Variants in CDH13 observed in about 807,000 individuals in gnomAD.
CDH13 encodes cadherin-13.
Under a neutral mutation model 63.8 loss-of-function variants are expected in CDH13, and 24 were observed. The ratio of observed to expected loss-of-function variants is 0.38; its 90% CI spans 0.27 to 0.53. CDH13 has a LOEUF of 0.53. Among genes scored for constraint, CDH13 ranks in the 20% least tolerant of loss-of-function variants. The pLI, the probability that CDH13 is intolerant of heterozygous loss-of-function variation, is 0.85. For synonymous variants in CDH13, 503 were observed against 355.3 expected (o/e 1.42, Z -4.67); for missense variants, 1,049 against 903.1 (o/e 1.16, Z -2.07).
intron 1 of CDH13, among the ~76,000 whole-genome samples, chr16:82,739,475 A>G (rs1327036766): frequency 6.6e-6 from 1 of 152,224 alleles, no homozygotes; most frequent in Non-Finnish European, 1.5e-5. Context: ...GTAAATTTTA[A>G]GAGTGAGAGA....
At chr16:83,570,087 G>C (rs1904433054) in intron 7 of CDH13, among the ~76,000 whole-genome samples, 1 of 152,060 alleles carries the variant, frequency 6.6e-6, no homozygotes, top group South Asian at 2.1e-4. Flanking sequence ...TCAGACTTAG[G>C]TCCCTGGTCC....
chr16:83,558,831 G>A (rs912617605), intron 7 of CDH13, among the ~76,000 whole-genome samples: 21 of 152,170 alleles, frequency 1.4e-4, no homozygotes, highest in Non-Finnish European at 2.6e-4. Context: ...TTACCCACGT[G>A]GGTAGGTAGG....
At chr16:83,674,784 T>C (rs1914815063) in intron 9 of CDH13, among the ~76,000 whole-genome samples, 1 of 152,238 alleles carries the variant, frequency 6.6e-6, no homozygotes, top group South Asian at 2.1e-4. Flanking sequence ...AGAAGCACCC[T>C]TAGCTGCTTT....
Position 83,066,870 on chromosome 16 carries a change from G to A in CDH13, c.366+34652G>A, listed in dbSNP as rs529336483. On this transcript the variant is annotated intron_variant, in intron 3 of 13. Coordinates refer to ENST00000567109, the MANE Select transcript of CDH13 (RefSeq NM_001257.5). ...GAAGGCTGCTTAGTGAGCATGAAGT[G>A]TTGGTTAGAGTGAGTGCTTAAAGGC... is the stretch of plus-strand genomic sequence containing the variant. Among the ~76,000 whole-genome samples, 17 of 152,218 alleles carry A rather than the reference G, an allele frequency of 1.1e-4. 1 individual carries two copies. The highest frequency in any genetic ancestry group is 2.0e-4 in the Admixed American group (3 of 15,274).
intron 3 of CDH13, among the ~76,000 whole-genome samples, chr16:83,073,171 C>T (rs1452525631): frequency 3.9e-5 from 6 of 152,066 alleles, no homozygotes; most frequent in South Asian, 4.1e-4. Flanking sequence ...GGCAGGCTTG[C>T]GTGGCTAGTG....
intron 5 of CDH13, among the ~76,000 whole-genome samples, chr16:83,231,528 C>A (rs760419206): frequency 7.9e-5 from 12 of 152,152 alleles, no homozygotes; most frequent in Non-Finnish European, 1.3e-4. Context: ...TGGTGAGCAC[C>A]TTCAGGAAGA....
intron 6 of CDH13, among the ~76,000 whole-genome samples, chr16:83,379,943 A>AGAGAGAGT: frequency 6.8e-6 from 1 of 146,634 alleles, no homozygotes. Context: ...ATATATAGAG[A>AGAGAGAGT]GAGAGAGAGA....
At chr16:83,546,496 C>T (rs578247653) in intron 7 of CDH13, among the ~76,000 whole-genome samples, 15 of 149,728 alleles carry the variant, frequency 1.0e-4, no homozygotes, top group South Asian at 2.1e-4. Context: ...GGGTTCAAGA[C>T]GTTCTGGAAA....
At chr16:82,641,066 A>G (rs1258644733) in intron 1 of CDH13, among the ~76,000 whole-genome samples, 1 of 152,180 alleles carries the variant, frequency 6.6e-6, no homozygotes, top group Admixed American at 6.5e-5. Context: ...CCAACAGTGA[A>G]TGTGTCATTG....
intron 1 of CDH13, among the ~76,000 whole-genome samples, chr16:82,649,847 G>A (rs368104063): frequency 6.6e-6 from 1 of 152,142 alleles, no homozygotes; most frequent in African/African-American, 2.4e-5. Context: ...CTCTGCTTCC[G>A]ACCCCTCATC....
intron 6 of CDH13, among the ~76,000 whole-genome samples, chr16:83,437,950 G>C (rs1440904516): frequency 6.6e-6 from 1 of 152,036 alleles, no homozygotes; most frequent in African/African-American, 2.4e-5. Flanking sequence ...TCTTCCATCT[G>C]CTTCCCTCCA....
At chr16:83,028,330 C>T (rs1038548254) in intron 2 of CDH13, among the ~76,000 whole-genome samples, 1 of 152,192 alleles carries the variant, frequency 6.6e-6, no homozygotes, top group Non-Finnish European at 1.5e-5. Context: ...AGAAAGTGAG[C>T]AAGTGTCTGA....
At chr16:83,253,510 A>G (rs571780537) in intron 5 of CDH13, among the ~76,000 whole-genome samples, 9 of 152,334 alleles carry the variant, frequency 5.9e-5, no homozygotes, top group Non-Finnish European at 1.3e-4. Context: ...GCCTTCTGCC[A>G]TTAAGCAGGT....
intron 5 of CDH13, among the ~76,000 whole-genome samples, chr16:83,281,050 C>T (rs1429902289): frequency 6.6e-6 from 1 of 152,150 alleles, no homozygotes; most frequent in Non-Finnish European, 1.5e-5. Context: ...GAGAGTCTGC[C>T]TATTCTTTGA....
intron 2 of CDH13, among the ~76,000 whole-genome samples, chr16:82,985,678 A>G (rs61417277): frequency 0.15 from 22,880 of 151,904 alleles, 2,097 homozygotes; most frequent in Non-Finnish European, 0.21. Context: ...TTGGTAATTG[A>G]TATGGTTTGG....
chr16:82,752,464 G>C (rs1395406377), intron 1 of CDH13, among the ~76,000 whole-genome samples: 1 of 152,154 alleles, frequency 6.6e-6, no homozygotes, highest in African/African-American at 2.4e-5. Context: ...AATTAGTCCA[G>C]AGCCCTGTTT....
chr16:83,723,045 G>A (rs573961469), intron 10 of CDH13, among the ~76,000 whole-genome samples: 2 of 152,328 alleles, frequency 1.3e-5, no homozygotes, highest in South Asian at 2.1e-4. Flanking sequence ...GGAGTACATG[G>A]TGCATTTTTA....
At chr16:83,494,986 C>CT (rs1291897637) in intron 7 of CDH13, among the ~76,000 whole-genome samples, 1 of 151,608 alleles carries the variant, frequency 6.6e-6, no homozygotes. Flanking sequence ...GGTCAGGAAA[C>CT]TTTTTTTTTA....
rs992454577 is a variant in CDH13 at position 82,854,275 on chromosome 16, C to G, written c.46-4087C>G. 1.4e-4 allele frequency among the ~76,000 whole-genome samples: 22 copies of G among 151,988 alleles called. 1 individual carries two copies. The Middle Eastern group carries it at 0.014, about 95-fold the overall frequency. On this transcript the variant is annotated intron_variant, in intron 1 of 13. Transcript: ENST00000567109. ...AATTAGCTAGGCGTGGTGGCTGGCACCTGCAGTCACAGCTACTTGGGAGGC... is the reference window on the plus strand; with the variant it reads ...AATTAGCTAGGCGTGGTGGCTGGCAGCTGCAGTCACAGCTACTTGGGAGGC...
Sources: gnomAD v4.1 joint callset for allele counts (sites outside exome capture counted in the v4.1 genomes callset) on GRCh38, gnomAD v4.1.1 for gene constraint, MANE v1.5 for transcripts, NCBI Gene and HGNC (gene_info 2026-07-23, HGNC 2026-07-21) for gene names.